The following CDC25C variants were observed in gnomAD, a reference collection of about 807,000 sequenced individuals.
The protein encoded by CDC25C is M-phase inducer phosphatase 3.
In CDC25C, 48 loss-of-function variants were observed where a neutral mutation model predicts 52.5. The ratio of observed to expected loss-of-function variants is 0.91; its 90% CI spans 0.72 to 1.16. CDC25C has a LOEUF of 1.16. Among genes scored for constraint, CDC25C ranks in the 50% most tolerant of loss-of-function variants. The pLI, the probability that CDC25C is intolerant of heterozygous loss-of-function variation, is 0.00. For missense variants in CDC25C, 510 were observed against 566.1 expected (o/e 0.90, Z 1.01); for synonymous variants, 187 against 206.5 (o/e 0.91, Z 0.81).
intron 4 of CDC25C, among the ~76,000 whole-genome samples, chr5:138,328,134 T>C (rs1300781632): frequency 6.6e-6 from 1 of 152,252 alleles, no homozygotes; most frequent in African/African-American, 2.4e-5. Flanking sequence ...CCCAAAGTGC[T>C]GGGATTACAG....
chr5:138,295,823 C>T (rs1456720311), intron 7 of CDC25C, among the ~76,000 whole-genome samples: 1 of 152,066 alleles, frequency 6.6e-6, no homozygotes, highest in African/African-American at 2.4e-5. Flanking sequence ...GCTTAGATAG[C>T]ATTCAACATC....
At chr5:138,303,973 G>T (rs1356092893) in intron 7 of CDC25C, among the ~76,000 whole-genome samples, 1 of 152,142 alleles carries the variant, frequency 6.6e-6, no homozygotes, top group African/African-American at 2.4e-5. Flanking sequence ...GGGTATAAAA[G>T]GAGATTGATT....
chr5:138,290,630 C>A lies in CDC25C; in HGVS notation c.864+9G>T, dbSNP rs1212514824. 3.3e-6 allele frequency: 5 copies of A among 1,525,588 alleles called. No homozygotes were observed. Among genetic ancestry groups the A allele is most frequent in the Non-Finnish European group, 4.5e-6 (5 of 1,099,764 alleles). The allele number at this position is 1,525,588 out of a possible 1,614,324, so 94.5% of individuals were successfully genotyped here. On this transcript the variant is annotated intron_variant, in intron 9 of 13. Coordinates refer to ENST00000323760, the MANE Select transcript of CDC25C (RefSeq NM_001790.5). Reference sequence around the variant, plus strand: ...CACTGAAATACAGGATGGGTGTAGCCAAACTCACCTTGGAAAAATCACCAA... The same window carrying A: ...CACTGAAATACAGGATGGGTGTAGCAAAACTCACCTTGGAAAAATCACCAA...
intron 3 of CDC25C, 81 bp downstream of exon 3, chr5:138,329,472 C>T: frequency 1.1e-6 from 1 of 913,770 alleles, no homozygotes; most frequent in Non-Finnish European, 1.8e-6. Flanking sequence ...CTTTCACCAC[C>T]TTCCGTCTCT....
At chr5:138,338,110 CGA>C in exon 1 of CDC25C, 2 of 1,289,782 alleles carry the variant, frequency 1.6e-6, no homozygotes, top group Non-Finnish European at 2.0e-6. Flanking sequence ...CAGCGCTGTC[CGA>C]GAGACACTTT....
At chr5:138,334,255 T>C (rs894557704), upstream of CDC25C, among the ~76,000 whole-genome samples, 4 of 151,238 alleles carry the variant, frequency 2.6e-5, no homozygotes, top group African/African-American at 9.7e-5. Flanking sequence ...TTTTTACAGA[T>C]GCAGTGGTGC....
intron 7 of CDC25C, among the ~76,000 whole-genome samples, chr5:138,301,619 C>A (rs1290926987): frequency 6.6e-6 from 1 of 150,888 alleles, no homozygotes; most frequent in Non-Finnish European, 1.5e-5. Flanking sequence ...TACACTGATA[C>A]CAATACCAAA....
intron 6 of CDC25C, among the ~76,000 whole-genome samples, chr5:138,323,957 C>CA (rs774091050): frequency 0.042 from 4,425 of 105,310 alleles, 101 homozygotes; most frequent in African/African-American, 0.094. Flanking sequence ...GATTCCATCT[C>CA]AAAAAAAAAA....
chr5:138,309,757 C>G (rs1758305320), intron 7 of CDC25C, among the ~76,000 whole-genome samples: 1 of 147,066 alleles, frequency 6.8e-6, no homozygotes. Context: ...GCTCTGTCAC[C>G]CAGGCTGGAG....
At chr5:138,333,407 T>C (rs1760532432), upstream of CDC25C, 1 of 152,208 alleles carries the variant, frequency 6.6e-6, no homozygotes, top group South Asian at 2.1e-4. Context: ...AGCTGGTTTT[T>C]ATCCTAATAC....
upstream of CDC25C, among the ~76,000 whole-genome samples, chr5:138,333,191 T>C (rs1760517243): frequency 6.6e-6 from 1 of 152,188 alleles, no homozygotes; most frequent in Non-Finnish European, 1.5e-5. Context: ...AATAAAAATG[T>C]TCAAAATAAC....
At chr5:138,336,249 C>T (rs1169208590), upstream of CDC25C, among the ~76,000 whole-genome samples, 5 of 151,996 alleles carry the variant, frequency 3.3e-5, no homozygotes, top group Non-Finnish European at 7.4e-5. Flanking sequence ...TCTCCTGCCT[C>T]AGCCTCCCGA....
chr5:138,315,215 G>T (rs940255102), intron 7 of CDC25C, among the ~76,000 whole-genome samples: 17 of 152,052 alleles, frequency 1.1e-4, no homozygotes, highest in African/African-American at 3.9e-4. Context: ...AAACCACCAC[G>T]CCCAGCCTCC....
upstream of CDC25C, among the ~76,000 whole-genome samples, chr5:138,332,381 C>G (rs1417695050): frequency 6.6e-6 from 1 of 152,094 alleles, no homozygotes; most frequent in Non-Finnish European, 1.5e-5. Flanking sequence ...GGCATTAGCC[C>G]CTTCCAAGAG....
At chr5:138,320,748 T>C (rs906743578) in intron 6 of CDC25C, among the ~76,000 whole-genome samples, 3 of 151,554 alleles carry the variant, frequency 2.0e-5, no homozygotes, top group Non-Finnish European at 4.4e-5. Flanking sequence ...ACTCCGTCTC[T>C]ACTAAAAATA....
intron 7 of CDC25C, among the ~76,000 whole-genome samples, chr5:138,306,038 C>T (rs748605428): frequency 1.6e-4 from 25 of 152,290 alleles, no homozygotes; most frequent in Admixed American, 1.1e-3. Context: ...GTGCCAGTAA[C>T]GGTGGCATTG....
At chr5:138,318,243 A>G (rs904511225) in intron 7 of CDC25C, among the ~76,000 whole-genome samples, 1 of 152,074 alleles carries the variant, frequency 6.6e-6, no homozygotes, top group Admixed American at 6.6e-5. Context: ...AACCCAGGAG[A>G]CGGAGGTTGC....
intron 4 of CDC25C, 97 bp from the exon 5 acceptor site, chr5:138,326,151 C>T (rs1240895809): frequency 5.7e-6 from 7 of 1,238,324 alleles, no homozygotes; most frequent in Admixed American, 5.1e-5. Flanking sequence ...CTATTTCATT[C>T]TAGGAGCCCT....
At chr5:138,292,446 G>A (rs1240629415) in intron 7 of CDC25C, among the ~76,000 whole-genome samples, 1 of 113,378 alleles carries the variant, frequency 8.8e-6, no homozygotes, top group African/African-American at 3.4e-5. Flanking sequence ...CTAACAGAAA[G>A]CAAACACAAG....
Sources: allele counts gnomAD v4.1 joint callset (sites outside exome capture counted in the v4.1 genomes callset), GRCh38; gene constraint gnomAD v4.1.1; transcripts MANE v1.5; gene names NCBI Gene and HGNC (gene_info 2026-07-23, HGNC 2026-07-21).